The following SUPT3H variants were observed in gnomAD, a reference collection of about 807,000 sequenced individuals.
SUPT3H encodes SPT3 homolog, SAGA and STAGA complex component, also known as transcription initiation protein SPT3 homolog.
A neutral mutation model predicts 44.3 loss-of-function variants in SUPT3H; 44 were observed. That is an observed-to-expected ratio of 0.99 (90% confidence interval 0.78 to 1.28). SUPT3H has a LOEUF of 1.28. Among genes scored for constraint, SUPT3H ranks in the 50% most tolerant of loss-of-function variants. The pLI is 0.00. For synonymous variants in SUPT3H, 124 were observed against 125.6 expected (o/e 0.99, Z 0.09); for missense variants, 380 against 387.1 (o/e 0.98, Z 0.15).
intron 2 of SUPT3H, among the ~76,000 whole-genome samples, chr6:45,267,546 A>T (rs1236316334): frequency 6.6e-6 from 1 of 152,248 alleles, no homozygotes; most frequent in Non-Finnish European, 1.5e-5. Flanking sequence ...AAATTATTTT[A>T]AAAACTTGGC....
At chr6:45,030,251 A>G (rs1786705765) in intron 3 of SUPT3H, among the ~76,000 whole-genome samples, 1 of 152,178 alleles carries the variant, frequency 6.6e-6, no homozygotes, top group Non-Finnish European at 1.5e-5. Context: ...AAGTCTAAGA[A>G]AAGGTTACAT....
chr6:45,161,184 G>A (rs1350885953), intron 2 of SUPT3H, among the ~76,000 whole-genome samples: 1 of 152,082 alleles, frequency 6.6e-6, no homozygotes, highest in Non-Finnish European at 1.5e-5. Flanking sequence ...GTAGAACTGT[G>A]AGTCCATTAA....
Position 45,365,292 on chromosome 6 carries a change from T to A in SUPT3H, c.10A>T (p.Thr4Ser). The A allele has an allele frequency of 6.2e-7, 1 of 1,608,188 alleles. No individual in the cohort carries two copies. The change falls in exon 2 of 11, where the codon ACG becomes TCG. Residue 4 changes from threonine (T) to serine (S), a missense_variant. Coordinates refer to ENST00000371459, the MANE Select transcript of SUPT3H (RefSeq NM_003599.4). The stretch of plus-strand genomic sequence containing the variant: ...GCAGTAGACATTGGACTAGCTGCCG[T>A]ATTATTCATCTAAATAAAAAGGAGA... MNN[T>S]AASPMSTATS...
rs1421568729 is a variant in SUPT3H at position 45,176,904 on chromosome 6, C to T, written c.102-70898G>A. Reference sequence around the variant, plus strand: ...TAACAAACAGAAGGGACATCCACACCAAAAACCCATCTGTACATCAGCATC... The same window carrying T: ...TAACAAACAGAAGGGACATCCACACTAAAAACCCATCTGTACATCAGCATC... On this transcript the variant is annotated intron_variant, in intron 2 of 10. Transcript: ENST00000371459. Among the ~76,000 whole-genome samples, 4 of 98,586 alleles carry T rather than the reference C, an allele frequency of 4.1e-5. No homozygotes were observed. The South Asian group carries it at 9.4e-4, about 23-fold the overall frequency. 64.7% of individuals were successfully genotyped at this position (98,586 alleles called of 152,430 possible). A position where few individuals can be genotyped will look rare whatever the true frequency, so the allele number is the denominator to read the frequency against.
At chr6:45,312,086 C>A (rs893386633) in intron 2 of SUPT3H, among the ~76,000 whole-genome samples, 1 of 152,036 alleles carries the variant, frequency 6.6e-6, no homozygotes, top group Admixed American at 6.6e-5. Context: ...AGGAGATTCA[C>A]CTAACACATA....
chr6:45,148,265 T>C (rs893711719), intron 2 of SUPT3H, among the ~76,000 whole-genome samples: 2 of 152,146 alleles, frequency 1.3e-5, no homozygotes, highest in Non-Finnish European at 2.9e-5. Context: ...ATTCATTTAG[T>C]CCTCCTCAAA....
chr6:44,899,491 G>A (rs901287983), intron 10 of SUPT3H, among the ~76,000 whole-genome samples: 1 of 152,066 alleles, frequency 6.6e-6, no homozygotes, highest in African/African-American at 2.4e-5. Flanking sequence ...TTCGAGACCA[G>A]CCTGGCCAAC....
intron 2 of SUPT3H, among the ~76,000 whole-genome samples, chr6:45,156,582 T>G (rs1291659227): frequency 6.6e-6 from 1 of 151,484 alleles, no homozygotes; most frequent in Non-Finnish European, 1.5e-5. Flanking sequence ...TAATATAATT[T>G]CAATAAATTT....
rs374933123 is a variant in SUPT3H, at chr6:44,931,826, C to T, written c.912+827G>A. On this transcript the variant is annotated intron_variant, in intron 10 of 10. Coordinates refer to ENST00000371459, the MANE Select transcript of SUPT3H (RefSeq NM_003599.4). ...CATGACTTTTATGAATAGTAAAATCCACTCAGGTAAAAATGTATACTATGT... is the reference window on the plus strand; with the variant it reads ...CATGACTTTTATGAATAGTAAAATCTACTCAGGTAAAAATGTATACTATGT... 1.2e-4 allele frequency among the ~76,000 whole-genome samples: 18 copies of T among 151,528 alleles called. No individual in the cohort carries two copies. In the East Asian group the frequency reaches 2.1e-3, roughly 18 times the overall value.
intron 2 of SUPT3H, among the ~76,000 whole-genome samples, chr6:45,160,816 C>G (rs1808827544): frequency 6.6e-6 from 1 of 152,056 alleles, no homozygotes; most frequent in South Asian, 2.1e-4. Flanking sequence ...ATATGAATCT[C>G]CCCCTATAAA....
At chr6:44,948,830 T>G (rs1220199762) in intron 9 of SUPT3H, among the ~76,000 whole-genome samples, 1 of 152,174 alleles carries the variant, frequency 6.6e-6, no homozygotes, top group Non-Finnish European at 1.5e-5. Flanking sequence ...GAAGACAGTG[T>G]GGTGATTCCT....
At chr6:44,893,141 G>A (rs1336688563) in intron 10 of SUPT3H, among the ~76,000 whole-genome samples, 1 of 152,086 alleles carries the variant, frequency 6.6e-6, no homozygotes, top group East Asian at 1.9e-4. Flanking sequence ...GGTTGCATAT[G>A]TACACACAGA....
At chr6:44,955,429 G>C (rs563688413) in intron 7 of SUPT3H, 1 of 152,560 alleles carries the variant, frequency 6.6e-6, no homozygotes, top group Non-Finnish European at 1.5e-5. Flanking sequence ...CTGCATGGGA[G>C]CTGGGTGAGG....
chr6:44,893,929 T>C (rs1763707679), intron 10 of SUPT3H, among the ~76,000 whole-genome samples: 1 of 142,724 alleles, frequency 7.0e-6, no homozygotes, highest in Non-Finnish European at 1.6e-5. Flanking sequence ...TGGTGTGAGA[T>C]GGTATCTCAT....
At chr6:45,310,662 A>C (rs1182720224) in intron 2 of SUPT3H, among the ~76,000 whole-genome samples, 1 of 152,190 alleles carries the variant, frequency 6.6e-6, no homozygotes, top group Non-Finnish European at 1.5e-5. Context: ...CTGGGTGGCT[A>C]GACCCAGAAG....
chr6:44,886,717 C>G (rs1195164617), intron 10 of SUPT3H, among the ~76,000 whole-genome samples: 2 of 152,190 alleles, frequency 1.3e-5, no homozygotes, highest in South Asian at 4.2e-4. Context: ...AACTAACGAG[C>G]AAAATCACCA....
At chr6:45,226,858 A>G (rs562205023) in intron 2 of SUPT3H, among the ~76,000 whole-genome samples, 1 of 151,466 alleles carries the variant, frequency 6.6e-6, no homozygotes, top group Non-Finnish European at 1.5e-5. Flanking sequence ...AACTACATGT[A>G]CTCTGTGGCA....
intron 3 of SUPT3H, among the ~76,000 whole-genome samples, chr6:45,068,182 A>T (rs1262166835): frequency 6.7e-6 from 1 of 150,334 alleles, no homozygotes; most frequent in Non-Finnish European, 1.5e-5. Flanking sequence ...ATGAAATTGG[A>T]AATCATCATT....
At chr6:44,819,159 C>T (rs73448344) in intron 11 of SUPT3H, among the ~76,000 whole-genome samples, 16,110 of 152,074 alleles carry the variant, frequency 0.11, 1,304 homozygotes, top group African/African-American at 0.22. Flanking sequence ...TGAACTAACA[C>T]ACGAAACAAG....
Sources: allele counts gnomAD v4.1 joint callset (sites outside exome capture counted in the v4.1 genomes callset), GRCh38; gene constraint gnomAD v4.1.1; transcripts MANE v1.5; gene names NCBI Gene and HGNC (gene_info 2026-07-23, HGNC 2026-07-21).